The following OGA variants were observed in gnomAD, a reference collection of about 807,000 sequenced individuals.
The protein encoded by OGA is O-GlcNAcase, also known as protein O-GlcNAcase.
A neutral mutation model predicts 102.0 loss-of-function variants in OGA; 21 were observed. That is an observed-to-expected ratio of 0.21 (90% confidence interval 0.15 to 0.30). The LOEUF is 0.30. Ranked by LOEUF, OGA falls within the 10% of genes least tolerant of loss-of-function variation. The probability of loss-of-function intolerance (pLI) is 1.00; values close to 1 mark genes in which losing one functional copy is unlikely to be tolerated. For missense variants in OGA, 765 were observed against 1,107.8 expected (o/e 0.69, Z 4.39); for synonymous variants, 408 against 378.2 (o/e 1.08, Z -0.91).
chr10:101,803,915 A>G lies in OGA; in HGVS notation c.856T>C (p.Tyr286His). The G allele has an allele frequency of 6.2e-7, 1 of 1,614,196 alleles. No individual in the cohort carries two copies. Among genetic ancestry groups the G allele is most frequent in the Non-Finnish European group, 8.5e-7 (1 of 1,180,010 alleles). Reference sequence around the variant, plus strand: ...CCCAGAAACAGTCTCTTCTGATCATAATCATTAGCATGAATGTTATCCCAG... The same window carrying G: ...CCCAGAAACAGTCTCTTCTGATCATGATCATTAGCATGAATGTTATCCCAG... ...VIWDNIHAND[Y>H]DQKRLFLGPY... Residue 286 changes from tyrosine (Y) to histidine (H), a missense_variant, in exon 7 of 16, where the codon TAT becomes CAT. Physicochemically the swap from Tyr to His is moderately conservative, Grantham distance 83. Transcript: ENST00000361464.
At chr10:101,813,744 A>G (rs1589841973) in intron 1 of OGA, 138 bp from the exon 2 acceptor site, 2 of 460,434 alleles carry the variant, frequency 4.3e-6, no homozygotes, top group African/African-American at 2.0e-5. Context: ...AGGATATTTA[A>G]TAAAATACTA....
chr10:101,817,684 T>G, intron 1 of OGA, 140 bp downstream of exon 1: 1 of 957,480 alleles, frequency 1.0e-6, no homozygotes, highest in Non-Finnish European at 1.5e-6. Flanking sequence ...ACATCTCGTC[T>G]CTCCCCTCGC....
Position 101,789,327 on chromosome 10 carries a change from C to T in OGA, c.2454+1569G>A, listed in dbSNP as rs551062567. 2.0e-5 allele frequency among the ~76,000 whole-genome samples: 3 copies of T among 152,188 alleles called. No homozygotes were observed. In the South Asian group the frequency reaches 6.2e-4, roughly 32 times the overall value. The stretch of plus-strand genomic sequence containing the variant: ...CAGCCTGACCAACATGGAGAAACCC[C>T]GTCTCTATTAAAAATATAAAATTAT... On this transcript the variant is annotated intron_variant, in intron 14 of 15. Coordinates refer to ENST00000361464, the MANE Select transcript of OGA (RefSeq NM_012215.5).
Position 101,818,056 on chromosome 10 carries a change from T to C in OGA, c.-34A>G. ...CCCCGGCCGCTGCCACCTCTGCGGG[T>C]CCTCCTCGACCTCTGTCCGTTGGGG... On this transcript the variant is annotated 5_prime_UTR_variant, in exon 1 of 16. Coordinates refer to ENST00000361464, the MANE Select transcript of OGA (RefSeq NM_012215.5). 6.5e-7 allele frequency: 1 copy of C among 1,531,866 alleles called. No homozygotes were observed. Among genetic ancestry groups the C allele is most frequent in the East Asian group, 2.4e-5 (1 of 41,592 alleles). The allele number at this position is 1,531,866 out of a possible 1,614,324, so 94.9% of individuals were successfully genotyped here.
At chr10:101,817,212 C>T (rs555670738) in intron 1 of OGA, among the ~76,000 whole-genome samples, 10 of 152,236 alleles carry the variant, frequency 6.6e-5, no homozygotes, top group Non-Finnish European at 1.5e-4. Context: ...AATTACGCAT[C>T]TCAGATACTT....
chr10:101,803,140 CAAA>C (rs370725618), intron 7 of OGA, among the ~76,000 whole-genome samples: 1 of 64,368 alleles, frequency 1.6e-5, no homozygotes. Flanking sequence ...AACTCCATCT[CAAA>C]AAAAAAAAAA....
Position 101,800,123 on chromosome 10 carries a change from T to G in OGA, c.1195+119A>C, listed in dbSNP as rs900516444. On this transcript the variant is annotated intron_variant, in intron 8 of 15. Transcript: ENST00000361464. ...CCTGACCTCAGGTGATCCGCCTGCCTCGGCCTCCCAAAGTGCTGAGATTAC... is the reference window on the plus strand; with the variant it reads ...CCTGACCTCAGGTGATCCGCCTGCCGCGGCCTCCCAAAGTGCTGAGATTAC... 5 of 1,111,330 alleles carry G rather than the reference T, an allele frequency of 4.5e-6. No homozygotes were observed. The African/African-American group carries it at 4.7e-5, about 11-fold the overall frequency. 68.8% of individuals were successfully genotyped at this position (1,111,330 alleles called of 1,614,324 possible).
In OGA at chr10:101,786,968, C is replaced by T. The variant is rs1322301128; in HGVS notation, c.2615-381G>A. Among the ~76,000 whole-genome samples the T allele has an allele frequency of 2.6e-5, 4 of 152,002 alleles. No homozygotes were observed. The South Asian group carries it at 6.2e-4, about 24-fold the overall frequency. ...TTCACCATGTTGGCCAGGCTGGTCTCGATCTCTTGACCTCATGATCCGCCC... is the reference window on the plus strand; with the variant it reads ...TTCACCATGTTGGCCAGGCTGGTCTTGATCTCTTGACCTCATGATCCGCCC... On this transcript the variant is annotated intron_variant, in intron 15 of 15. Transcript: ENST00000361464.
intron 1 of OGA, among the ~76,000 whole-genome samples, chr10:101,814,277 G>A (rs942435826): frequency 3.3e-5 from 5 of 151,492 alleles, no homozygotes; most frequent in African/African-American, 4.9e-5. Context: ...GCAGTGAGCC[G>A]AGACTGCGTC....
At chr10:101,796,008 G>A in intron 10 of OGA, 1 of 525,472 alleles carries the variant, frequency 1.9e-6, no homozygotes, top group African/African-American at 2.1e-5. Flanking sequence ...GTATCATTAA[G>A]AATTTAACTT....
At chr10:101,816,857 T>C (rs1437724609) in intron 1 of OGA, among the ~76,000 whole-genome samples, 1 of 152,206 alleles carries the variant, frequency 6.6e-6, no homozygotes, top group Non-Finnish European at 1.5e-5. Context: ...AGAGCAATCC[T>C]TTTTCCATAC....
intron 8 of OGA, 74 bp downstream of exon 8, chr10:101,800,168 C>A: frequency 6.7e-7 from 1 of 1,487,816 alleles, no homozygotes; most frequent in Non-Finnish European, 9.2e-7. Context: ...CCACCACACC[C>A]GGGAGACAGT....
chr10:101,792,260 G>C (rs966819637), intron 12 of OGA, among the ~76,000 whole-genome samples: 1 of 151,576 alleles, frequency 6.6e-6, no homozygotes, highest in Non-Finnish European at 1.5e-5. Flanking sequence ...CGCCTGTCTC[G>C]GCCTCCCAAA....
At chr10:101,787,762 CT>C in intron 14 of OGA, 2 of 339,366 alleles carry the variant, frequency 5.9e-6, no homozygotes, top group Non-Finnish European at 1.1e-5. Context: ...TGCACGCGCT[CT>C]CTCTCTCTCT....
chr10:101,803,457 A>C (rs891634639), intron 7 of OGA, among the ~76,000 whole-genome samples: 1 of 150,036 alleles, frequency 6.7e-6, no homozygotes, highest in Non-Finnish European at 1.5e-5. Context: ...CTAAAAAAAA[A>C]AAAAACAAAA....
chr10:101,793,015 C>A, intron 11 of OGA, 72 bp from the exon 12 acceptor site: 1 of 1,178,670 alleles, frequency 8.5e-7, no homozygotes, highest in South Asian at 1.2e-5. Flanking sequence ...GTGTGCACTG[C>A]AGATTACCAA....
In OGA at chr10:101,799,222, G is replaced by A. The variant is rs147917003; in HGVS notation, c.1429C>T (p.His477Tyr). The part of the protein sequence containing the change: ...MVVEKQEETD[H>Y]KNDNQILSEI... ...CTCAGTATTTGATTGTCATTCTTGT[G>A]GTCCGTTTCTTCTTGTTTTTCCACC... The change falls in exon 9 of 16, where the codon CAC (histidine) becomes TAC (tyrosine). Residue 477 changes from histidine (H) to tyrosine (Y), a missense_variant. His to Tyr is a moderately conservative substitution (Grantham distance 83). This residue lies in a region of OGA where 281 missense variants were observed against 345.8 expected (regional missense o/e 0.81). Transcript: ENST00000361464. 7 of 1,613,974 alleles carry A rather than the reference G, an allele frequency of 4.3e-6. No homozygotes were observed. The African/African-American group carries it at 9.3e-5, about 22-fold the overall frequency.
chr10:101,786,701 C>T (rs1355619779), intron 15 of OGA, 114 bp from the exon 16 acceptor site: 1 of 858,222 alleles, frequency 1.2e-6, no homozygotes, highest in East Asian at 3.1e-5. Flanking sequence ...TCTGTCTACA[C>T]CAGCTCCTAC....
intron 14 of OGA, 22 bp from the exon 15 acceptor site, chr10:101,787,545 G>A (rs753506548): frequency 8.2e-6 from 13 of 1,594,168 alleles, no homozygotes; most frequent in East Asian, 4.5e-5. Flanking sequence ...AGAATCTCTT[G>A]ACTTTCACAA....
Sources: gnomAD v4.1 joint callset for allele counts (sites outside exome capture counted in the v4.1 genomes callset) on GRCh38, gnomAD v4.1.1 for gene constraint, gnomAD v4.1.1 regional missense constraint, MANE v1.5 for transcripts, NCBI Gene and HGNC (gene_info 2026-07-23, HGNC 2026-07-21) for gene names.